APBB2: variants seen among roughly 807,000 people sequenced by gnomAD.
The protein encoded by APBB2 is Fe65-like 1.
In APBB2, 38 loss-of-function variants were observed where a neutral mutation model predicts 82.5. The ratio of observed to expected loss-of-function variants is 0.46; its 90% CI spans 0.36 to 0.60. APBB2 has a LOEUF of 0.60. Among genes scored for constraint, APBB2 ranks in the 20% least tolerant of loss-of-function variants. APBB2 has a pLI of 0.00. For missense variants in APBB2, 772 were observed against 972.3 expected, an observed-to-expected ratio of 0.79 and a Z score of 2.74; for synonymous variants, 341 against 368.2, an observed-to-expected ratio of 0.93 and a Z score of 0.85.
intron 1 of APBB2, among the ~76,000 whole-genome samples, chr4:41,167,681 A>G (rs1388706151): frequency 6.6e-6 from 1 of 152,228 alleles, no homozygotes; most frequent in African/African-American, 2.4e-5. Flanking sequence ...CCCTAGGGCA[A>G]TATTCCTTCT....
At chr4:41,032,853 C>T (rs996852224) in intron 5 of APBB2, among the ~76,000 whole-genome samples, 6 of 122,238 alleles carry the variant, frequency 4.9e-5, no homozygotes, top group African/African-American at 9.2e-5. Flanking sequence ...GGCGCGATCT[C>T]GACTCACTGC....
chr4:41,048,907 G>A (rs896707535), intron 4 of APBB2, among the ~76,000 whole-genome samples: 26 of 152,246 alleles, frequency 1.7e-4, no homozygotes, highest in Admixed American at 1.4e-3. Flanking sequence ...GCTCCTAACC[G>A]TGAGTGATCT....
At chr4:40,955,209 G>A (rs1163307073) in intron 6 of APBB2, among the ~76,000 whole-genome samples, 2 of 152,186 alleles carry the variant, frequency 1.3e-5, no homozygotes, top group East Asian at 3.9e-4. Flanking sequence ...CCCTAAAGTA[G>A]GAGAAGGAGC....
chr4:41,023,347 G>A (rs944729215), intron 5 of APBB2, among the ~76,000 whole-genome samples: 29 of 152,210 alleles, frequency 1.9e-4, no homozygotes, highest in Middle Eastern at 3.4e-3. Flanking sequence ...AATTGCAAAC[G>A]CCTTGAGGAA....
intron 2 of APBB2, among the ~76,000 whole-genome samples, chr4:41,124,060 AGC>A (rs1478207305): frequency 6.6e-6 from 1 of 152,156 alleles, no homozygotes; most frequent in African/African-American, 2.4e-5. Context: ...TTGCCCACAG[AGC>A]TTTGATATAC....
chr4:41,032,984 C>A (rs564472443), intron 5 of APBB2, among the ~76,000 whole-genome samples: 1 of 151,236 alleles, frequency 6.6e-6, no homozygotes, highest in Non-Finnish European at 1.5e-5. Context: ...GGGGTTTCAC[C>A]GTGTTAGCCA....
chr4:40,948,828 G>A (rs2154382635), intron 6 of APBB2, among the ~76,000 whole-genome samples: 1 of 135,864 alleles, frequency 7.4e-6, no homozygotes, highest in East Asian at 2.1e-4. Flanking sequence ...AGTGGAGGCT[G>A]CATGGAGCCA....
chr4:40,893,634 G>A (rs1174150678), intron 10 of APBB2, among the ~76,000 whole-genome samples: 1 of 152,140 alleles, frequency 6.6e-6, no homozygotes, highest in Non-Finnish European at 1.5e-5. Flanking sequence ...ATATCTTTTT[G>A]CCTGATGTGT....
At chr4:41,176,364 T>C (rs1481910007) in intron 1 of APBB2, among the ~76,000 whole-genome samples, 2 of 150,448 alleles carry the variant, frequency 1.3e-5, no homozygotes, top group Non-Finnish European at 2.9e-5. Flanking sequence ...ATAAAGAATG[T>C]ATTTTTTTTT....
At chr4:41,076,515 A>G (rs1735691421) in intron 3 of APBB2, among the ~76,000 whole-genome samples, 1 of 152,220 alleles carries the variant, frequency 6.6e-6, no homozygotes, top group Admixed American at 6.5e-5. Context: ...CTGGGTTCCC[A>G]GAGCACTGGC....
In APBB2 at chr4:40,814,889, A is replaced by G. The variant is rs1199538463; in HGVS notation, c.*1203T>C. 1 of 151,992 alleles carries G rather than the reference A, an allele frequency of 6.6e-6. No individual in the cohort carries two copies. The highest frequency in any genetic ancestry group is 1.5e-5 in the Non-Finnish European group (1 of 68,038). 9.4% of individuals were successfully genotyped at this position (151,992 alleles called of 1,614,324 possible). A position where few individuals can be genotyped will look rare whatever the true frequency, so the allele number is the denominator to read the frequency against. On this transcript the variant is annotated 3_prime_UTR_variant, in exon 18 of 18. Coordinates refer to ENST00000508593, the MANE Select transcript of APBB2 (RefSeq NM_004307.2). ...ATTTCAAATCTTCAAAGTAAAATGG[A>G]AAAAATATAAATTAAAAAATATATC...
chr4:41,065,180 G>A lies in APBB2; in HGVS notation c.-51+396C>T, dbSNP rs530384480. 5.9e-5 allele frequency among the ~76,000 whole-genome samples: 9 copies of A among 152,124 alleles called. No individual in the cohort carries two copies. In the South Asian group the frequency reaches 1.5e-3, roughly 25 times the overall value. On this transcript the variant is annotated intron_variant, in intron 4 of 17. Transcript: ENST00000508593. ...GCACATCTGTAGTCCCAATTGCACC[G>A]TAAGCTAAGGTGGAAGGATCACTTG...
At chr4:40,862,206 A>C (rs746888570) in intron 12 of APBB2, among the ~76,000 whole-genome samples, 2 of 152,258 alleles carry the variant, frequency 1.3e-5, no homozygotes, top group Admixed American at 6.5e-5. Context: ...TTAAACAAGA[A>C]AGTCACAGGA....
chr4:41,175,310 C>T (rs1769445259), intron 1 of APBB2, among the ~76,000 whole-genome samples: 1 of 152,064 alleles, frequency 6.6e-6, no homozygotes, highest in Non-Finnish European at 1.5e-5. Context: ...TGTGAATTGC[C>T]AAGACATGTA....
At chr4:41,126,552 T>C (rs1017094126) in intron 2 of APBB2, among the ~76,000 whole-genome samples, 1 of 152,230 alleles carries the variant, frequency 6.6e-6, no homozygotes, top group Non-Finnish European at 1.5e-5. Flanking sequence ...GCAGGGAGAC[T>C]GTGATGCTAA....
intron 4 of APBB2, 40 bp from the exon 5 acceptor site, chr4:41,033,344 T>C (rs1717788516): frequency 7.9e-7 from 1 of 1,260,812 alleles, no homozygotes; most frequent in Admixed American, 2.4e-5. Context: ...AAACTCCAAA[T>C]AACAAAGCAT....
intron 1 of APBB2, among the ~76,000 whole-genome samples, chr4:41,203,063 C>G (rs1194276473): frequency 2.6e-5 from 4 of 151,984 alleles, no homozygotes; most frequent in African/African-American, 9.6e-5. Context: ...TCCACATTCT[C>G]CTCAGTTTTT....
At chr4:40,988,392 T>C (rs1476488013) in intron 6 of APBB2, among the ~76,000 whole-genome samples, 2 of 151,454 alleles carry the variant, frequency 1.3e-5, no homozygotes, top group Non-Finnish European at 2.9e-5. Flanking sequence ...TCCCAGCACT[T>C]TGGGAGGTGG....
intron 12 of APBB2, among the ~76,000 whole-genome samples, chr4:40,859,220 C>T (rs754858463): frequency 5.3e-5 from 8 of 152,092 alleles, no homozygotes. Context: ...CTCCAACTTG[C>T]CCCCTTCTCT....
Sources: gnomAD v4.1 joint callset for allele counts (sites outside exome capture counted in the v4.1 genomes callset) on GRCh38, gnomAD v4.1.1 for gene constraint, MANE v1.5 for transcripts, NCBI Gene and HGNC (gene_info 2026-07-23, HGNC 2026-07-21) for gene names.